SPMIP4: variants seen among roughly 807,000 people sequenced by gnomAD.
The protein encoded by SPMIP4 is sperm-associated microtubule inner protein 4.
chr7:25,138,514 G>A, the SPMIP4 span, among the ~76,000 whole-genome samples: 2 of 152,150 alleles, frequency 1.3e-5, no homozygotes, highest in African/African-American at 2.4e-5. The surrounding 1 kb of genome is among the most constrained non-coding windows in gnomAD (Gnocchi z 6.2). Context: ...TTACAGGCCT[G>A]AGCCACTGTG....
chr7:25,166,230 C>CTTTTTTTTTTTTTTTT, the SPMIP4 span, among the ~76,000 whole-genome samples: 1 of 69,228 alleles, frequency 1.4e-5, no homozygotes, highest in Non-Finnish European at 4.0e-5. Flanking sequence ...TTCTTTCCGT[C>CTTTTTTTTTTTTTTTT]TTCTTTTTTT....
chr7:25,160,333 T>C, the SPMIP4 span, among the ~76,000 whole-genome samples: 1 of 84,830 alleles, frequency 1.2e-5, no homozygotes, highest in Admixed American at 1.4e-4. Context: ...AGTTTTGCTC[T>C]TGTCGCCCAG....
chr7:25,135,631 T>A, the SPMIP4 span: 1 of 787,626 alleles, frequency 1.3e-6, no homozygotes, highest in Non-Finnish European at 1.5e-6. Flanking sequence ...AGCTTTTCAA[T>A]TTTTTTTGGT....
the SPMIP4 span, among the ~76,000 whole-genome samples, chr7:25,165,106 T>C: frequency 6.6e-6 from 1 of 152,252 alleles, no homozygotes; most frequent in African/African-American, 2.4e-5. Flanking sequence ...GTCTTTTTCA[T>C]ATAATGACTT....
the SPMIP4 span, chr7:25,142,255 A>G: frequency 3.7e-6 from 6 of 1,612,552 alleles, no homozygotes; most frequent in East Asian, 1.3e-4. Context: ...TCTGGGTCAA[A>G]TCCTATCTTT....
chr7:25,155,338 C>T, the SPMIP4 span: 1 of 552,816 alleles, frequency 1.8e-6, no homozygotes, highest in Non-Finnish European at 3.0e-6. Context: ...GAGTCAATGT[C>T]CCTGTGCTCA....
the SPMIP4 span, chr7:25,155,181 A>C: frequency 6.5e-7 from 1 of 1,548,042 alleles, no homozygotes; most frequent in Admixed American, 2.1e-5. Context: ...TGGATATGGC[A>C]AGCAGATCTC....
At chr7:25,179,671 A>C in the SPMIP4 span, 1 of 170,552 alleles carries the variant, frequency 5.9e-6, no homozygotes, top group Admixed American at 6.3e-5. Context: ...CTTGACTTTT[A>C]GCCTGTGGTC....
chr7:25,131,993 C>T, the SPMIP4 span, among the ~76,000 whole-genome samples: 2 of 152,136 alleles, frequency 1.3e-5, no homozygotes, highest in Admixed American at 6.5e-5. This position sits in a 1 kb window ranked among gnomAD's most constrained non-coding sequence, Gnocchi z 4.2. Context: ...AAGCTCAGCT[C>T]GAGCGAGCCT....
the SPMIP4 span, among the ~76,000 whole-genome samples, chr7:25,145,426 G>T: frequency 6.6e-6 from 1 of 152,210 alleles, no homozygotes; most frequent in African/African-American, 2.4e-5. Context: ...TTGAGAAGGG[G>T]CTAAAGAGGC....
the SPMIP4 span, chr7:25,158,387 A>AAAAAAAT: frequency 9.3e-6 from 7 of 756,046 alleles, no homozygotes; most frequent in East Asian, 1.2e-4. Flanking sequence ...AAAAAAAAAA[A>AAAAAAAT]AGAAACGTTT....
chr7:25,147,102 C>T, the SPMIP4 span, among the ~76,000 whole-genome samples: 1 of 152,140 alleles, frequency 6.6e-6, no homozygotes, highest in Non-Finnish European at 1.5e-5. Flanking sequence ...TTGAGGCCAG[C>T]CCGGACAACA....
chr7:25,179,550 T>C, the SPMIP4 span: 1 of 358,756 alleles, frequency 2.8e-6, no homozygotes, highest in Non-Finnish European at 5.0e-6. Flanking sequence ...TGCCTCCAAG[T>C]AGTCACCAGA....
the SPMIP4 span, among the ~76,000 whole-genome samples, chr7:25,126,370 G>A: frequency 2.0e-5 from 3 of 151,816 alleles, no homozygotes; most frequent in Non-Finnish European, 4.4e-5. Context: ...TAGAGATGGG[G>A]TTTCACTATT....
the SPMIP4 span, among the ~76,000 whole-genome samples, chr7:25,151,030 G>A: frequency 6.6e-6 from 1 of 152,008 alleles, no homozygotes; most frequent in African/African-American, 2.4e-5. Context: ...GTAAGAATAG[G>A]GTTGGAGGAA....
At chr7:25,168,251 A>T in the SPMIP4 span, 1 of 1,568,156 alleles carries the variant, frequency 6.4e-7, no homozygotes, top group Non-Finnish European at 8.6e-7. Context: ...AAAATGGATA[A>T]TAAAGACCTT....
the SPMIP4 span, chr7:25,136,754 A>G: frequency 6.2e-7 from 1 of 1,613,828 alleles, no homozygotes; most frequent in South Asian, 1.1e-5. This position sits in a 1 kb window ranked among gnomAD's most constrained non-coding sequence, Gnocchi z 5.7. Context: ...CGTCCTTCCA[A>G]CGGTCTGGGA....
chr7:25,160,365 C>T, the SPMIP4 span, among the ~76,000 whole-genome samples: 2 of 137,784 alleles, frequency 1.5e-5, no homozygotes, highest in African/African-American at 4.9e-5. Context: ...ATGGCGTGAT[C>T]TCGGCTCACT....
At chr7:25,163,547 T>G in the SPMIP4 span, among the ~76,000 whole-genome samples, 1 of 152,186 alleles carries the variant, frequency 6.6e-6, no homozygotes, top group South Asian at 2.1e-4. This position sits in a 1 kb window ranked among gnomAD's most constrained non-coding sequence, Gnocchi z 4.4. Context: ...TGGTGCTTGC[T>G]CAGTGGCTTC....
Sources: allele counts gnomAD v4.1 joint callset (sites outside exome capture counted in the v4.1 genomes callset), GRCh38; gene constraint gnomAD v4.1.1; non-coding constraint Gnocchi (gnomAD v3.1); transcripts MANE v1.5; gene names NCBI Gene and HGNC (gene_info 2026-07-23, HGNC 2026-07-21).